ZSCAN25: variants seen among roughly 807,000 people sequenced by gnomAD.
ZSCAN25 encodes the protein zinc finger and SCAN domain-containing protein 25.
In ZSCAN25, 27 loss-of-function variants were observed where a neutral mutation model predicts 38.7. The observed-to-expected ratio is 0.70, with a 90% confidence interval of 0.51 to 0.96. The LOEUF is 0.96. Among genes scored for constraint, ZSCAN25 ranks in the 40% least tolerant of loss-of-function variants. ZSCAN25 has a pLI of 0.00. For missense variants in ZSCAN25, 637 were observed against 705.9 expected (o/e 0.90, Z 1.11); for synonymous variants, 273 against 277.7 (o/e 0.98, Z 0.17).
chr7:99,638,676 C>T, the ZSCAN25 span: 2 of 1,545,990 alleles, frequency 1.3e-6, no homozygotes, highest in Middle Eastern at 1.7e-4. Flanking sequence ...TCAACATTTA[C>T]AGGATTGTTG....
chr7:99,697,053 A>G, the ZSCAN25 span, among the ~76,000 whole-genome samples: 1 of 152,230 alleles, frequency 6.6e-6, no homozygotes, highest in Non-Finnish European at 1.5e-5. Flanking sequence ...CCATGAGCCA[A>G]TTAAATCTCT....
chr7:99,695,242 G>A, the ZSCAN25 span, among the ~76,000 whole-genome samples: 1 of 152,168 alleles, frequency 6.6e-6, no homozygotes, highest in African/African-American at 2.4e-5. Flanking sequence ...AAGCAAGTGC[G>A]AATGACCCAA....
chr7:99,624,184 A>G lies in ZSCAN25; in HGVS notation c.805+4A>G, dbSNP rs746110057. 6.2e-7 allele frequency: 1 copy of G among 1,613,376 alleles called. No individual in the cohort carries two copies. ...CAGGACTGCAGGGTCTCTCCAGGTAAGACTGTCTCCACCCACAGGTGAGGA... is the reference window on the plus strand; with the variant it reads ...CAGGACTGCAGGGTCTCTCCAGGTAGGACTGTCTCCACCCACAGGTGAGGA... On this transcript the variant is annotated splice_donor_region_variant and intron_variant, in intron 7 of 7. Coordinates refer to ENST00000394152, the MANE Select transcript of ZSCAN25 (RefSeq NM_145115.3).
chr7:99,644,853 G>A, the ZSCAN25 span, among the ~76,000 whole-genome samples: 940 of 152,256 alleles, frequency 6.2e-3, 4 homozygotes, highest in Non-Finnish European at 8.4e-3. Context: ...GACAGGTTGA[G>A]GTCAGCTCAG....
the ZSCAN25 span, chr7:99,670,999 T>C: frequency 1.3e-5 from 2 of 152,192 alleles, no homozygotes; most frequent in Non-Finnish European, 2.9e-5. Context: ...ACTTGGAACC[T>C]GTTCAATGAT....
chr7:99,623,215 CT>C (rs1807151522), intron 6 of ZSCAN25, among the ~76,000 whole-genome samples: 1 of 152,170 alleles, frequency 6.6e-6, no homozygotes, highest in African/African-American at 2.4e-5. Context: ...GGTACTTCTG[CT>C]GCTGATTTTT....
At chr7:99,690,462 A>G in the ZSCAN25 span, among the ~76,000 whole-genome samples, 1 of 152,232 alleles carries the variant, frequency 6.6e-6, no homozygotes, top group South Asian at 2.1e-4. Flanking sequence ...TAATGAAACT[A>G]AAGAGCTTCT....
the ZSCAN25 span, among the ~76,000 whole-genome samples, chr7:99,696,564 G>A: frequency 7.9e-5 from 12 of 152,112 alleles, no homozygotes; most frequent in African/African-American, 2.7e-4. Flanking sequence ...GTTGATTTGC[G>A]CTATTGGGGA....
the ZSCAN25 span, among the ~76,000 whole-genome samples, chr7:99,717,826 G>A: frequency 2.0e-4 from 30 of 152,306 alleles, no homozygotes; most frequent in African/African-American, 5.8e-4. Context: ...GTGGTCTCCA[G>A]CCTGTATATC....
chr7:99,662,680 A>G, the ZSCAN25 span: 8 of 817,550 alleles, frequency 9.8e-6, no homozygotes, highest in African/African-American at 1.0e-4. The surrounding 1 kb of genome is among the most constrained non-coding windows in gnomAD (Gnocchi z 4.3). Flanking sequence ...GCTACCATTT[A>G]TAACATCTAA....
chr7:99,651,216 C>A, the ZSCAN25 span, among the ~76,000 whole-genome samples: 1 of 151,980 alleles, frequency 6.6e-6, no homozygotes. Context: ...AGGCTGGTGT[C>A]GGTAACATGT....
At chr7:99,730,949 G>A in the ZSCAN25 span, 11 of 1,414,676 alleles carry the variant, frequency 7.8e-6, no homozygotes, top group Non-Finnish European at 1.1e-5. Flanking sequence ...CGCTATTTCT[G>A]AAAGTATAAA....
chr7:99,670,447 C>G, the ZSCAN25 span, among the ~76,000 whole-genome samples: 1 of 152,130 alleles, frequency 6.6e-6, no homozygotes, highest in Admixed American at 6.5e-5. Context: ...AAATACGCAG[C>G]CTTGCTTTTC....
At chr7:99,728,599 A>G in the ZSCAN25 span, among the ~76,000 whole-genome samples, 1 of 152,180 alleles carries the variant, frequency 6.6e-6, no homozygotes, top group South Asian at 2.1e-4. Context: ...TCCACCACGT[A>G]CATATGTCTA....
At chr7:99,644,221 T>C in the ZSCAN25 span, among the ~76,000 whole-genome samples, 4 of 152,186 alleles carry the variant, frequency 2.6e-5, no homozygotes, top group African/African-American at 9.7e-5. Context: ...TGGGGTTATT[T>C]GGATAAACAG....
At chr7:99,648,364 G>A in the ZSCAN25 span, 1 of 1,611,782 alleles carries the variant, frequency 6.2e-7, no homozygotes, top group South Asian at 1.1e-5. Flanking sequence ...GGTTTTTCTG[G>A]TTGAAGAAGT....
chr7:99,624,596 C>A, intron 7 of ZSCAN25: 1 of 194,652 alleles, frequency 5.1e-6, no homozygotes, highest in South Asian at 1.1e-4. Flanking sequence ...GCAGGACTAA[C>A]GTGCACGAAA....
chr7:99,652,770 T>C, the ZSCAN25 span: 1 of 1,613,108 alleles, frequency 6.2e-7, no homozygotes. Context: ...GCATCATAGG[T>C]AGGTGGTGCC....
the ZSCAN25 span, chr7:99,650,164 C>T: frequency 6.2e-7 from 1 of 1,614,142 alleles, no homozygotes; most frequent in Non-Finnish European, 8.5e-7. Flanking sequence ...CATGCCAATG[C>T]AGTTTCTGGG....
Sources: allele counts gnomAD v4.1 joint callset (sites outside exome capture counted in the v4.1 genomes callset), GRCh38; gene constraint gnomAD v4.1.1; non-coding constraint Gnocchi (gnomAD v3.1); transcripts MANE v1.5; gene names NCBI Gene and HGNC (gene_info 2026-07-23, HGNC 2026-07-21).